C4orf51: variants seen among roughly 807,000 people sequenced by gnomAD.
C4orf51 encodes uncharacterized protein C4orf51.
In C4orf51, 25 loss-of-function variants were observed where a neutral mutation model predicts 25.2. That is an observed-to-expected ratio of 0.99 (90% CI 0.72 to 1.39). C4orf51 has a LOEUF of 1.39. Ranked by LOEUF, C4orf51 falls within the 40% of genes most tolerant of loss-of-function variation. The pLI is 0.00. For missense variants in C4orf51, 252 were observed against 239.6 expected (o/e 1.05, Z -0.34); for synonymous variants, 100 against 84.5 (o/e 1.18, Z -1.01).
downstream of C4orf51, chr4:145,774,755 T>C (rs1028124593): frequency 2.1e-6 from 3 of 1,426,212 alleles, no homozygotes; most frequent in Non-Finnish European, 2.9e-6. Flanking sequence ...TTATACACAG[T>C]ACACTCAAGA....
Position 145,763,045 on chromosome 4 carries a change from C to T in C4orf51, n.167-7943C>T. 6.6e-7 allele frequency: 1 copy of T among 1,511,388 alleles called. No individual in the cohort carries two copies. The highest frequency in any genetic ancestry group is 8.9e-7 in the Non-Finnish European group (1 of 1,128,194). 93.6% of individuals were successfully genotyped at this position (1,511,388 alleles called of 1,614,324 possible). On this transcript the variant is annotated intron_variant and non_coding_transcript_variant, in intron 1 of 1. Transcript: ENST00000510096. This position sits in a 1 kb window ranked among gnomAD's most constrained non-coding sequence, Gnocchi z 4.6. ...CACGAGAGAAATATAAAGCCCATTCCCAGGTCAGGTGCACACACAACCCCT... is the reference window on the plus strand; with the variant it reads ...CACGAGAGAAATATAAAGCCCATTCTCAGGTCAGGTGCACACACAACCCCT...
chr4:145,788,469 T>G, the C4orf51 span, among the ~76,000 whole-genome samples: 1 of 152,230 alleles, frequency 6.6e-6, no homozygotes, highest in Admixed American at 6.5e-5. Context: ...TTAAGAAAAC[T>G]ATATAACTTA....
chr4:145,760,702 T>G, intron 1 of C4orf51: 36 of 983,292 alleles, frequency 3.7e-5, no homozygotes, highest in South Asian at 5.5e-5. Context: ...CCTGCTGGGG[T>G]TGTGTTTAAG....
chr4:145,709,479 G>T (rs1731017130), intron 2 of C4orf51, among the ~76,000 whole-genome samples: 2 of 152,224 alleles, frequency 1.3e-5, no homozygotes, highest in Admixed American at 6.5e-5. Context: ...GGGGATACCT[G>T]CAAGGAAGCC....
At chr4:145,705,453 C>A (rs1730744366) in intron 2 of C4orf51, among the ~76,000 whole-genome samples, 1 of 152,084 alleles carries the variant, frequency 6.6e-6, no homozygotes, top group Non-Finnish European at 1.5e-5. Flanking sequence ...GACTAGCTAC[C>A]TACTGTAACA....
intron 1 of C4orf51, among the ~76,000 whole-genome samples, chr4:145,744,364 T>C (rs1733251384): frequency 6.6e-6 from 1 of 152,226 alleles, no homozygotes; most frequent in African/African-American, 2.4e-5. Flanking sequence ...GATCCTGTGA[T>C]ACAAAATCAT....
intron 1 of C4orf51, among the ~76,000 whole-genome samples, chr4:145,691,234 C>G (rs1339141910): frequency 1.3e-5 from 2 of 152,104 alleles, no homozygotes; most frequent in Non-Finnish European, 1.5e-5. Flanking sequence ...AAACAAAAAC[C>G]ACAATGAGAT....
At chr4:145,694,114 G>A (rs540002127) in intron 1 of C4orf51, among the ~76,000 whole-genome samples, 10 of 129,284 alleles carry the variant, frequency 7.7e-5, no homozygotes, top group African/African-American at 3.2e-4. Context: ...TGGGGCGGCG[G>A]GGCAGAGGCG....
chr4:145,787,041 C>T, the C4orf51 span, among the ~76,000 whole-genome samples: 1 of 152,218 alleles, frequency 6.6e-6, no homozygotes, highest in African/African-American at 2.4e-5. Flanking sequence ...ACTTACTAGG[C>T]TCCCTATGAC....
chr4:145,713,748 T>A (rs1172774188), intron 2 of C4orf51, among the ~76,000 whole-genome samples: 1 of 152,206 alleles, frequency 6.6e-6, no homozygotes, highest in Non-Finnish European at 1.5e-5. Context: ...GAAAGTATTT[T>A]TAAATTAAGG....
the C4orf51 span, among the ~76,000 whole-genome samples, chr4:145,784,175 A>T: frequency 2.6e-5 from 4 of 152,188 alleles, no homozygotes; most frequent in African/African-American, 9.7e-5. Context: ...TGGAACTGTG[A>T]GCCAATTAAA....
Position 145,765,104 on chromosome 4 carries a change from C to T in C4orf51, n.167-5884C>T, listed in dbSNP as rs1417752910. ...ACATCCGGGTGATGAGGTGTATCTG[C>T]AGATGACGCTCAAACATGTTCTTCG... is the stretch of plus-strand genomic sequence containing the variant. On this transcript the variant is annotated intron_variant and non_coding_transcript_variant, in intron 1 of 1. Transcript: ENST00000510096. This position sits in a 1 kb window ranked among gnomAD's most constrained non-coding sequence, Gnocchi z 4.7. 1 of 1,614,122 alleles carries T rather than the reference C, an allele frequency of 6.2e-7. No individual in the cohort carries two copies. The highest frequency in any genetic ancestry group is 1.3e-5 in the African/African-American group (1 of 75,052).
chr4:145,725,086 A>G (rs1048941682), intron 2 of C4orf51, among the ~76,000 whole-genome samples: 1 of 151,958 alleles, frequency 6.6e-6, no homozygotes, highest in Non-Finnish European at 1.5e-5. Flanking sequence ...TACAGTGTAC[A>G]CTGCTTGGTT....
chr4:145,733,836 G>C (rs1413049198), downstream of C4orf51, among the ~76,000 whole-genome samples: 1 of 152,130 alleles, frequency 6.6e-6, no homozygotes, highest in Non-Finnish European at 1.5e-5. Context: ...TTTTGCCCTG[G>C]CCAGCCCCAG....
downstream of C4orf51, among the ~76,000 whole-genome samples, chr4:145,733,322 T>TCC (rs149861688): frequency 6.6e-6 from 1 of 151,610 alleles, no homozygotes; most frequent in African/African-American, 2.4e-5. Flanking sequence ...TCCTGCTGAT[T>TCC]CCCCCCCACC....
chr4:145,760,977 G>A (rs1346797981), intron 1 of C4orf51: 8 of 1,246,470 alleles, frequency 6.4e-6, no homozygotes, highest in Admixed American at 2.7e-5. Context: ...AAGGGGAGCC[G>A]TTGAAGGCCA....
chr4:145,750,169 CAG>C (rs1384035323), intron 1 of C4orf51, among the ~76,000 whole-genome samples: 10 of 152,216 alleles, frequency 6.6e-5, no homozygotes, highest in African/African-American at 2.4e-4. Context: ...ATATCAGTTA[CAG>C]AGTTATAATA....
In C4orf51 at chr4:145,765,399, A is replaced by G; in HGVS notation, n.167-5589A>G. 1 of 1,101,422 alleles carries G rather than the reference A, an allele frequency of 9.1e-7. No homozygotes were observed. Among genetic ancestry groups the G allele is most frequent in the East Asian group, 2.6e-5 (1 of 38,360 alleles). 68.2% of individuals were successfully genotyped at this position (1,101,422 alleles called of 1,614,324 possible). ...ATACTCGGATTCAAATTAAGCCAAAAGAAATACAACCTTTAGGTGAGGCCC... is the reference window on the plus strand; with the variant it reads ...ATACTCGGATTCAAATTAAGCCAAAGGAAATACAACCTTTAGGTGAGGCCC... On this transcript the variant is annotated intron_variant and non_coding_transcript_variant, in intron 1 of 1. Coordinates refer to the C4orf51 transcript ENST00000510096. The surrounding 1 kb of genome is among the most constrained non-coding windows in gnomAD (Gnocchi z 4.7).
At chr4:145,752,813 C>T (rs772963161) in intron 1 of C4orf51, among the ~76,000 whole-genome samples, 3 of 152,164 alleles carry the variant, frequency 2.0e-5, no homozygotes, top group Non-Finnish European at 2.9e-5. Flanking sequence ...ACTCAAGTTC[C>T]GACCACTTGG....
Sources: allele counts gnomAD v4.1 joint callset (sites outside exome capture counted in the v4.1 genomes callset), GRCh38; gene constraint gnomAD v4.1.1; non-coding constraint Gnocchi (gnomAD v3.1); transcripts MANE v1.5; gene names NCBI Gene and HGNC (gene_info 2026-07-23, HGNC 2026-07-21).